The following PARN variants were observed in gnomAD, a reference collection of about 807,000 sequenced individuals.
PARN encodes poly(A)-specific ribonuclease PARN.
A neutral mutation model predicts 102.8 loss-of-function variants in PARN; 71 were observed. The observed-to-expected ratio is 0.69, with a 90% CI of 0.57 to 0.84. The LOEUF (loss-of-function observed/expected upper bound fraction) is 0.84. Among genes scored for constraint, PARN ranks in the 40% least tolerant of loss-of-function variants. The pLI is 0.00. For missense variants in PARN, 782 were observed against 760.9 expected, an observed-to-expected ratio of 1.03 and a Z score of -0.33; for synonymous variants, 261 against 252.9, an observed-to-expected ratio of 1.03 and a Z score of -0.30.
At chr16:14,547,269 G>T (rs1375874885) in intron 21 of PARN, among the ~76,000 whole-genome samples, 3 of 152,046 alleles carry the variant, frequency 2.0e-5, no homozygotes, top group African/African-American at 7.2e-5. Flanking sequence ...GGGTTACCAC[G>T]TATCCAAACA....
At chr16:14,462,701 C>A (rs919524975) in intron 22 of PARN, among the ~76,000 whole-genome samples, 1 of 152,086 alleles carries the variant, frequency 6.6e-6, no homozygotes, top group Non-Finnish European at 1.5e-5. Flanking sequence ...TAAAAAGGAT[C>A]TTGAATAAAA....
At chr16:14,516,617 T>C (rs1475335425) in intron 21 of PARN, among the ~76,000 whole-genome samples, 1 of 152,232 alleles carries the variant, frequency 6.6e-6, no homozygotes, top group Non-Finnish European at 1.5e-5. Context: ...TTCTTTCATA[T>C]ATAATTTTAC....
At chr16:14,585,364 GTTTTT>G (rs36030259) in intron 14 of PARN, among the ~76,000 whole-genome samples, 8 of 121,128 alleles carry the variant, frequency 6.6e-5, no homozygotes, top group African/African-American at 1.2e-4. Context: ...CTATTTCTCT[GTTTTT>G]TTTTTTTTTT....
chr16:14,477,735 C>T (rs979785249), intron 22 of PARN, among the ~76,000 whole-genome samples: 2 of 151,332 alleles, frequency 1.3e-5, no homozygotes, highest in Non-Finnish European at 2.9e-5. Context: ...GCCGAGATTG[C>T]GCCACTGCAC....
chr16:14,473,471 T>C (rs546350827), intron 22 of PARN, among the ~76,000 whole-genome samples: 1 of 152,228 alleles, frequency 6.6e-6, no homozygotes, highest in African/African-American at 2.4e-5. Context: ...TCCCAAGGGA[T>C]AAGCAAATTG....
intron 19 of PARN, 90 bp from the exon 20 acceptor site, chr16:14,554,241 T>G: frequency 1.2e-6 from 1 of 822,852 alleles, no homozygotes; most frequent in Non-Finnish European, 2.0e-6. Flanking sequence ...CTGAGCTAAT[T>G]TGGAGAACTG....
chr16:14,625,233 C>T (rs1004658940), intron 5 of PARN, among the ~76,000 whole-genome samples: 3 of 151,832 alleles, frequency 2.0e-5, no homozygotes, highest in Admixed American at 6.6e-5. Context: ...ACTGTAAGGC[C>T]GGGTGCGGTG....
intron 22 of PARN, among the ~76,000 whole-genome samples, chr16:14,460,659 G>C (rs1157768983): frequency 6.6e-6 from 1 of 152,076 alleles, no homozygotes; most frequent in Non-Finnish European, 1.5e-5. Context: ...CATACAAAAG[G>C]TAAAGCCACA....
Position 14,610,720 on chromosome 16 carries a change from A to G in PARN, c.478T>C (p.Ser160Pro). The G allele has an allele frequency of 6.2e-7, 1 of 1,606,946 alleles. No homozygotes were observed. ...TTTGAAGTGTTAGGAGATACATAGG[A>G]CAGAGCTCCTGCACCATTCGCCTGT... is the stretch of plus-strand genomic sequence containing the variant. ...RSQANGAGAL[S>P]YVSPNTSKCP... The change falls in exon 7 of 24, where the codon TCC (serine) becomes CCC (proline). Residue 160 changes from serine (S) to proline (P), a missense_variant. By Grantham distance (74) the Ser-to-Pro change is moderately conservative (BLOSUM62 -1). Coordinates refer to ENST00000437198, the MANE Select transcript of PARN (RefSeq NM_002582.4).
chr16:14,527,239 C>A (rs140106815), intron 21 of PARN, among the ~76,000 whole-genome samples: 7 of 152,178 alleles, frequency 4.6e-5, no homozygotes, highest in Admixed American at 2.0e-4. Context: ...TTTTACCTGA[C>A]GACATGATAA....
At chr16:14,590,234 C>CAAAA (rs11302769) in intron 13 of PARN, among the ~76,000 whole-genome samples, 28 of 45,948 alleles carry the variant, frequency 6.1e-4, no homozygotes, top group South Asian at 1.5e-3. Context: ...GACTCCATCT[C>CAAAA]AAAAAAAAAA....
intron 22 of PARN, among the ~76,000 whole-genome samples, chr16:14,479,958 G>C (rs1963288917): frequency 6.7e-6 from 1 of 150,374 alleles, no homozygotes. Context: ...TGCAACCTTA[G>C]GGTAGACAAA....
At chr16:14,454,092 G>C (rs1302581752) in intron 22 of PARN, among the ~76,000 whole-genome samples, 1 of 152,066 alleles carries the variant, frequency 6.6e-6, no homozygotes, top group Non-Finnish European at 1.5e-5. Flanking sequence ...AAACTGGGTT[G>C]TTTTCTGAAT....
intron 7 of PARN, among the ~76,000 whole-genome samples, chr16:14,610,409 G>A (rs767320434): frequency 6.7e-6 from 1 of 149,982 alleles, no homozygotes; most frequent in Non-Finnish European, 1.5e-5. Context: ...GGAGGCAGAG[G>A]TTGCAGTAAG....
intron 12 of PARN, among the ~76,000 whole-genome samples, chr16:14,594,296 G>A (rs899751473): frequency 1.3e-5 from 2 of 152,140 alleles, no homozygotes; most frequent in African/African-American, 4.8e-5. Context: ...CCCTCTTCGT[G>A]CAATGGGCGG....
At chr16:14,625,979 A>G (rs1169161549) in intron 5 of PARN, among the ~76,000 whole-genome samples, 1 of 152,220 alleles carries the variant, frequency 6.6e-6, no homozygotes, top group Non-Finnish European at 1.5e-5. Flanking sequence ...AAGAGCAGAA[A>G]GGAAACAGTG....
At chr16:14,580,278 T>C (rs1273902057) in intron 18 of PARN, among the ~76,000 whole-genome samples, 2 of 151,488 alleles carry the variant, frequency 1.3e-5, no homozygotes, top group African/African-American at 4.8e-5. Context: ...CCAGGAAATT[T>C]TCTTTTGTTT....
chr16:14,567,106 G>A (rs1968480892), intron 18 of PARN, among the ~76,000 whole-genome samples: 2 of 152,188 alleles, frequency 1.3e-5, no homozygotes, highest in African/African-American at 4.8e-5. Flanking sequence ...GCCAATTCAT[G>A]GAGATTCTTT....
intron 21 of PARN, among the ~76,000 whole-genome samples, chr16:14,542,821 A>G (rs1966849745): frequency 6.6e-6 from 1 of 152,172 alleles, no homozygotes; most frequent in African/African-American, 2.4e-5. Flanking sequence ...GGAACAGAGC[A>G]TTAGGAAATA....
Sources: gnomAD v4.1 joint callset for allele counts (sites outside exome capture counted in the v4.1 genomes callset) on GRCh38, gnomAD v4.1.1 for gene constraint, MANE v1.5 for transcripts, NCBI Gene and HGNC (gene_info 2026-07-23, HGNC 2026-07-21) for gene names.